The following GABRB3 variants were observed in gnomAD, a reference collection of about 807,000 sequenced individuals.
The protein encoded by GABRB3 is gamma-aminobutyric acid receptor subunit beta-3.
In GABRB3, 14 loss-of-function variants were observed where a neutral mutation model predicts 52.1. The ratio of observed to expected loss-of-function variants is 0.27; its 90% CI spans 0.18 to 0.42. The LOEUF (loss-of-function observed/expected upper bound fraction) is 0.42, where lower values mean the gene tolerates loss of function less well. GABRB3 is among the 10% of genes least tolerant of loss of function. The pLI is 1.00. For synonymous variants in GABRB3, 260 were observed against 232.3 expected, an observed-to-expected ratio of 1.12 and a Z score of -1.08; for missense variants, 307 against 609.1, an observed-to-expected ratio of 0.50 and a Z score of 5.22.
chr15:26,753,517 G>T (rs983633545), intron 3 of GABRB3, among the ~76,000 whole-genome samples: 1 of 152,260 alleles, frequency 6.6e-6, no homozygotes, highest in Admixed American at 6.5e-5. Context: ...TGAGTGACAA[G>T]TGAAGCACAA....
At chr15:26,740,379 G>A (rs1170148979) in intron 3 of GABRB3, among the ~76,000 whole-genome samples, 3 of 151,992 alleles carry the variant, frequency 2.0e-5, no homozygotes, top group Non-Finnish European at 4.4e-5. Context: ...CACTATGAGG[G>A]GGAAGACAGG....
intron 3 of GABRB3, among the ~76,000 whole-genome samples, chr15:26,693,472 A>G (rs1204577547): frequency 1.3e-5 from 2 of 151,348 alleles, no homozygotes; most frequent in Non-Finnish European, 1.5e-5. Context: ...GTTCCACCAG[A>G]GCGGTATTTC....
chr15:26,720,460 C>T (rs1238734093), intron 3 of GABRB3, among the ~76,000 whole-genome samples: 1 of 152,130 alleles, frequency 6.6e-6, no homozygotes, highest in African/African-American at 2.4e-5. Flanking sequence ...GATGAAGATT[C>T]AAAGGTGCTG....
chr15:26,549,095 C>T (rs1459277340), intron 8 of GABRB3, among the ~76,000 whole-genome samples: 2 of 152,184 alleles, frequency 1.3e-5, no homozygotes, highest in South Asian at 2.1e-4. Flanking sequence ...GGAAAGCCTA[C>T]CCCGTGTTCC....
At chr15:26,667,718 T>C (rs1334665412) in intron 3 of GABRB3, among the ~76,000 whole-genome samples, 1 of 152,216 alleles carries the variant, frequency 6.6e-6, no homozygotes, top group East Asian at 1.9e-4. Context: ...CAGCGTCACC[T>C]GGGCACTTGT....
At chr15:26,559,782 G>C (rs564898585) in intron 8 of GABRB3, among the ~76,000 whole-genome samples, 3 of 152,298 alleles carry the variant, frequency 2.0e-5, no homozygotes, top group Non-Finnish European at 2.9e-5. Flanking sequence ...GCTTTAGAAA[G>C]TTCATGGACT....
chr15:26,567,531 T>C, intron 7 of GABRB3, 50 bp downstream of exon 7: 1 of 1,580,942 alleles, frequency 6.3e-7, no homozygotes, highest in South Asian at 1.1e-5. Context: ...CTTAATACTG[T>C]AATGATACGG....
chr15:26,636,913 A>C (rs966296154), intron 3 of GABRB3, among the ~76,000 whole-genome samples: 6 of 152,158 alleles, frequency 3.9e-5, no homozygotes, highest in Admixed American at 2.6e-4. Context: ...CCCTTGTCAA[A>C]CACACCATCT....
chr15:26,564,495 C>T (rs1890094641), intron 7 of GABRB3, among the ~76,000 whole-genome samples: 1 of 152,192 alleles, frequency 6.6e-6, no homozygotes, highest in Non-Finnish European at 1.5e-5. Context: ...TCCAACAGTG[C>T]CCAGAGCCCA....
intron 3 of GABRB3, among the ~76,000 whole-genome samples, chr15:26,766,602 T>C (rs1891003447): frequency 6.6e-6 from 1 of 152,230 alleles, no homozygotes; most frequent in African/African-American, 2.4e-5. Flanking sequence ...TTGGAACTCA[T>C]TTTATTTACC....
intron 3 of GABRB3, among the ~76,000 whole-genome samples, chr15:26,771,504 A>G (rs1891142509): frequency 6.6e-6 from 1 of 152,222 alleles, no homozygotes; most frequent in African/African-American, 2.4e-5. Flanking sequence ...AATATTGTTT[A>G]CAAATGCTCC....
intron 3 of GABRB3, among the ~76,000 whole-genome samples, chr15:26,763,741 G>A (rs1320592107): frequency 1.3e-5 from 2 of 151,992 alleles, no homozygotes; most frequent in Non-Finnish European, 2.9e-5. Context: ...GAACAGTGAT[G>A]TGATGTTGAG....
intron 4 of GABRB3, among the ~76,000 whole-genome samples, chr15:26,587,868 G>A (rs936477578): frequency 5.9e-5 from 9 of 152,068 alleles, no homozygotes; most frequent in Admixed American, 3.9e-4. Context: ...CAAACATCTA[G>A]TGCCACCTTC....
intron 3 of GABRB3, among the ~76,000 whole-genome samples, chr15:26,675,479 T>C (rs930017329): frequency 1.3e-5 from 2 of 151,898 alleles, no homozygotes; most frequent in Non-Finnish European, 2.9e-5. Context: ...GTGTTGGGAG[T>C]AGAGGTAAGC....
At chr15:26,739,919 C>T (rs1389836959) in intron 3 of GABRB3, among the ~76,000 whole-genome samples, 1 of 152,184 alleles carries the variant, frequency 6.6e-6, no homozygotes, top group Non-Finnish European at 1.5e-5. Context: ...AGGGGCTGCA[C>T]ACAAGAGATT....
At chr15:26,703,690 G>A (rs1054667786) in intron 3 of GABRB3, among the ~76,000 whole-genome samples, 2 of 152,182 alleles carry the variant, frequency 1.3e-5, no homozygotes, top group African/African-American at 2.4e-5. Flanking sequence ...AGACAATGGA[G>A]GGCCAGGCAT....
At chr15:26,643,791 T>C (rs1015980542) in intron 3 of GABRB3, among the ~76,000 whole-genome samples, 1 of 152,142 alleles carries the variant, frequency 6.6e-6, no homozygotes, top group African/African-American at 2.4e-5. Flanking sequence ...CCTGCCGTCA[T>C]AGGGGAGACA....
chr15:26,564,722 C>A (rs1309860704), intron 7 of GABRB3, among the ~76,000 whole-genome samples: 1 of 152,172 alleles, frequency 6.6e-6, no homozygotes, highest in Non-Finnish European at 1.5e-5. Context: ...TGAAAGCCCT[C>A]CAAACTATAG....
At chr15:26,558,282 CTATT>C (rs1186727573) in intron 8 of GABRB3, among the ~76,000 whole-genome samples, 1 of 152,160 alleles carries the variant, frequency 6.6e-6, no homozygotes, top group Non-Finnish European at 1.5e-5. Flanking sequence ...CTGACCAACT[CTATT>C]TATGCTGTGC....
Sources: gnomAD v4.1 joint callset for allele counts (sites outside exome capture counted in the v4.1 genomes callset) on GRCh38, gnomAD v4.1.1 for gene constraint, MANE v1.5 for transcripts, NCBI Gene and HGNC (gene_info 2026-07-23, HGNC 2026-07-21) for gene names.